Variants in CNN1 observed in about 807,000 individuals in gnomAD.
CNN1 encodes the protein calponin 1.
Under a neutral mutation model 35.3 loss-of-function variants are expected in CNN1, and 21 were observed. That is an observed-to-expected ratio of 0.60 (90% CI 0.42 to 0.86). The LOEUF (loss-of-function observed/expected upper bound fraction) is 0.86, where lower values mean the gene tolerates loss of function less well. Among genes scored for constraint, CNN1 ranks in the 40% least tolerant of loss-of-function variants. CNN1 has a pLI of 0.00. For synonymous variants in CNN1, 164 were observed against 161.8 expected (o/e 1.01, Z -0.10); for missense variants, 314 against 400.8 (o/e 0.78, Z 1.85).
rs1465927727 is a variant in CNN1, at chr19:11,541,870, G to A, written c.185+673G>A. 2.0e-5 allele frequency: 3 copies of A among 151,898 alleles called. No homozygotes were observed. In the East Asian group the frequency reaches 5.8e-4, roughly 29 times the overall value. 9.4% of individuals were successfully genotyped at this position (151,898 alleles called of 1,614,324 possible). ...AGCCTCCCAAAGTGCTGGGATTACA[G>A]GCACGTGCCACCATGCCCGGTTAAT... On this transcript the variant is annotated intron_variant, in intron 2 of 6. Transcript: ENST00000252456.
At chr19:11,542,632 G>A (rs1383993472) in intron 2 of CNN1, among the ~76,000 whole-genome samples, 1 of 150,348 alleles carries the variant, frequency 6.7e-6, no homozygotes. Context: ...CTGGAGTGCA[G>A]TGGCATGATC....
At chr19:11,542,510 C>T (rs1026451073) in intron 2 of CNN1, among the ~76,000 whole-genome samples, 8 of 151,888 alleles carry the variant, frequency 5.3e-5, no homozygotes, top group Admixed American at 2.0e-4. Flanking sequence ...GTTTTCTCCT[C>T]GCCTCAAAAC....
At chr19:11,547,385 A>G (rs1972612827) in intron 4 of CNN1, among the ~76,000 whole-genome samples, 1 of 138,702 alleles carries the variant, frequency 7.2e-6, no homozygotes, top group Non-Finnish European at 1.5e-5. Flanking sequence ...CAGAGCCAAG[A>G]CTCCGTCTCA....
At chr19:11,547,012 G>A (rs1426834632) in intron 4 of CNN1, 43 bp downstream of exon 4, 15 of 1,609,508 alleles carry the variant, frequency 9.3e-6, no homozygotes, top group Admixed American at 1.7e-5. Flanking sequence ...TGGGCAGCCT[G>A]GGCTGGGATG....
chr19:11,540,443 G>A (rs1972435413), intron 1 of CNN1: 1 of 152,950 alleles, frequency 6.5e-6, no homozygotes, highest in South Asian at 2.1e-4. Flanking sequence ...CCCAAGACTG[G>A]GCCAAGAAAA....
Position 11,549,982 on chromosome 19 carries a change from T to A in CNN1, c.*187T>A. 1 of 846,822 alleles carries A rather than the reference T, an allele frequency of 1.2e-6. No individual in the cohort carries two copies. The highest frequency in any genetic ancestry group is 1.8e-6 in the Non-Finnish European group (1 of 562,266). 52.5% of individuals were successfully genotyped at this position (846,822 alleles called of 1,614,324 possible). A position where few individuals can be genotyped will look rare whatever the true frequency, so the allele number is the denominator to read the frequency against. On this transcript the variant is annotated 3_prime_UTR_variant, in exon 7 of 7. Transcript: ENST00000252456. This position sits in a 1 kb window ranked among gnomAD's most constrained non-coding sequence, Gnocchi z 5.2. ...GGGCCCATTGGGGGGAAGGGGACCCTCCGCTCTGTAGTGCTACAGGGTCCA... is the reference window on the plus strand; with the variant it reads ...GGGCCCATTGGGGGGAAGGGGACCCACCGCTCTGTAGTGCTACAGGGTCCA...
chr19:11,547,063 C>T (rs548454065), intron 4 of CNN1, 94 bp downstream of exon 4: 30 of 1,543,906 alleles, frequency 1.9e-5, no homozygotes, highest in South Asian at 4.6e-5. Context: ...GTGAAGGTGG[C>T]GGAGCGGGGG....
intron 1 of CNN1, 108 bp downstream of exon 1, chr19:11,539,098 C>A: frequency 1.8e-6 from 2 of 1,118,362 alleles, no homozygotes; most frequent in Non-Finnish European, 2.4e-6. Context: ...GACTTGGAAA[C>A]TGAGAGGGGA....
chr19:11,544,673 T>G (rs1972542230), intron 2 of CNN1, among the ~76,000 whole-genome samples: 1 of 148,680 alleles, frequency 6.7e-6, no homozygotes, highest in African/African-American at 2.5e-5. Context: ...TTTTTTTTTT[T>G]TTTTTTTTTG....
intron 2 of CNN1, among the ~76,000 whole-genome samples, chr19:11,546,138 A>G (rs1437627584): frequency 1.3e-5 from 2 of 152,138 alleles, no homozygotes; most frequent in Non-Finnish European, 2.9e-5. Context: ...TTGGATAAGC[A>G]GGCTTTCTGA....
At position 11,547,048 on chromosome 19, in the gene CNN1, G is replaced by A; in HGVS notation, c.390+79G>A. On this transcript the variant is annotated intron_variant, in intron 4 of 6. Transcript: ENST00000252456. ...CAGGTGTGGCCACTTGTGCTCCTGA[G>A]CCCAGTGAAGGTGGCGGAGCGGGGG... 4 of 1,591,390 alleles carry A rather than the reference G, an allele frequency of 2.5e-6. No individual in the cohort carries two copies. The South Asian group carries it at 4.5e-5, about 18-fold the overall frequency.
chr19:11,547,033 C>T lies in CNN1; in HGVS notation c.390+64C>T, dbSNP rs773609070. 17 of 1,603,878 alleles carry T rather than the reference C, an allele frequency of 1.1e-5. No individual in the cohort carries two copies. The Admixed American group carries it at 1.7e-4, about 16-fold the overall frequency. ...GCCTGGGCTGGGATGCAGGTGTGGC[C>T]ACTTGTGCTCCTGAGCCCAGTGAAG... On this transcript the variant is annotated intron_variant, in intron 4 of 6. Coordinates refer to ENST00000252456, the MANE Select transcript of CNN1 (RefSeq NM_001299.6).
intron 2 of CNN1, among the ~76,000 whole-genome samples, chr19:11,544,354 C>T (rs1217228634): frequency 2.0e-5 from 3 of 152,064 alleles, no homozygotes; most frequent in Admixed American, 6.6e-5. Flanking sequence ...GAGGTAGGAT[C>T]GTGCTTGGGG....
rs377568799 is a variant in CNN1, at chr19:11,549,193, A to AAAAAAAAATAAAT, written c.502-127_502-126insAAAAATAAATAAA. ...ACAGAGCAAGACTCCGTCTCAAAAA[A>AAAAAAAAATAAAT]AAATAAATAAAATAAAATAAAAATT... On this transcript the variant is annotated intron_variant, in intron 5 of 6. Coordinates refer to ENST00000252456, the MANE Select transcript of CNN1 (RefSeq NM_001299.6). This position sits in a 1 kb window ranked among gnomAD's most constrained non-coding sequence, Gnocchi z 5.2. The AAAAAAAAATAAAT allele has an allele frequency of 1.7e-3, 1,851 of 1,065,928 alleles. 25 individuals carry two copies. The African/African-American group carries it at 0.027, about 15-fold the overall frequency. 66.0% of individuals were successfully genotyped at this position (1,065,928 alleles called of 1,614,324 possible).
chr19:11,545,543 A>G (rs1210965924), intron 2 of CNN1, among the ~76,000 whole-genome samples: 1 of 151,736 alleles, frequency 6.6e-6, no homozygotes, highest in African/African-American at 2.4e-5. Flanking sequence ...AGTCTGGAGC[A>G]GGGTGAGTTT....
intron 2 of CNN1, among the ~76,000 whole-genome samples, chr19:11,545,577 T>C (rs564442070): frequency 6.6e-6 from 1 of 151,608 alleles, no homozygotes; most frequent in South Asian, 2.1e-4. Context: ...CAGGCACCCA[T>C]GGAGAGAGCT....
chr19:11,545,317 C>T (rs754368309), intron 2 of CNN1, among the ~76,000 whole-genome samples: 10 of 151,636 alleles, frequency 6.6e-5, no homozygotes, highest in Non-Finnish European at 1.0e-4. Flanking sequence ...TGGCTGAGAC[C>T]CAGGTGGAGG....
chr19:11,548,202 A>G (rs1972634966), intron 5 of CNN1, among the ~76,000 whole-genome samples: 1 of 152,170 alleles, frequency 6.6e-6, no homozygotes, highest in African/African-American at 2.4e-5. Flanking sequence ...GCTAGAAGTC[A>G]GTCATGTGAT....
intron 2 of CNN1, 59 bp downstream of exon 2, chr19:11,541,256 C>G (rs2145028427): frequency 6.7e-7 from 1 of 1,482,338 alleles, no homozygotes; most frequent in Non-Finnish European, 9.0e-7. Flanking sequence ...TGCAGCCCCT[C>G]AACCCCCAAA....
Sources: gnomAD v4.1 joint callset for allele counts (sites outside exome capture counted in the v4.1 genomes callset) on GRCh38, gnomAD v4.1.1 for gene constraint, Gnocchi (gnomAD v3.1) non-coding constraint, MANE v1.5 for transcripts, NCBI Gene and HGNC (gene_info 2026-07-23, HGNC 2026-07-21) for gene names.